PGBD5: variants seen among roughly 807,000 people sequenced by gnomAD.
PGBD5 encodes the protein piggyBac transposable element-derived protein 5.
Under a neutral mutation model 47.9 loss-of-function variants are expected in PGBD5, and 14 were observed. The observed-to-expected ratio is 0.29, with a 90% CI of 0.19 to 0.46. The LOEUF is 0.46. Among genes scored for constraint, PGBD5 ranks in the 20% least tolerant of loss-of-function variants. The probability of loss-of-function intolerance (pLI) is 1.00; values close to 1 mark genes in which losing one functional copy is unlikely to be tolerated. For missense variants in PGBD5, 635 were observed against 716.0 expected (o/e 0.89, Z 1.29); for synonymous variants, 316 against 306.3 (o/e 1.03, Z -0.33).
intron 1 of PGBD5, among the ~76,000 whole-genome samples, chr1:230,411,908 T>A (rs957879870): frequency 4.6e-5 from 7 of 152,116 alleles, no homozygotes; most frequent in African/African-American, 1.7e-4. Context: ...TAAAAGTTTT[T>A]AAAAATGAAG....
chr1:230,404,627 A>ATATATAT (rs1453429430), intron 1 of PGBD5, among the ~76,000 whole-genome samples: 11 of 130,356 alleles, frequency 8.4e-5, no homozygotes, highest in East Asian at 2.5e-4. Flanking sequence ...AAAAAAAAAA[A>ATATATAT]AAATATATAT....
chr1:230,379,783 C>A (rs1328582068), intron 1 of PGBD5, among the ~76,000 whole-genome samples: 1 of 152,276 alleles, frequency 6.6e-6, no homozygotes, highest in Non-Finnish European at 1.5e-5. Flanking sequence ...ACCATGTCCT[C>A]TACAGTGCGA....
chr1:230,351,021 C>T lies in PGBD5; in HGVS notation c.831G>A (p.Lys277=), dbSNP rs1276777273. The change falls in exon 3 of 7, where the codon AAG becomes AAA. Residue 277 remains lysine, a synonymous_variant. Transcript: ENST00000391860. ...IATCTERELR[K]RKKRKFSLWV... is the part of the protein sequence containing the mutation. ...AGAGGCTGAATTTCCGCTTTTTCCT[C>T]TTTCGCAGCTCCCGCTCTGTGCACG... 6.2e-7 allele frequency: 1 copy of T among 1,614,042 alleles called. No homozygotes were observed. Among genetic ancestry groups the T allele is most frequent in the Non-Finnish European group, 8.5e-7 (1 of 1,180,024 alleles).
At chr1:230,376,329 G>T (rs909758057) in intron 1 of PGBD5, among the ~76,000 whole-genome samples, 1 of 152,064 alleles carries the variant, frequency 6.6e-6, no homozygotes, top group Non-Finnish European at 1.5e-5. Context: ...GACTGAGCCC[G>T]CCTGACCTGC....
rs35048134 is a variant in PGBD5, at chr1:230,323,687, GC to G, written c.1380-68del. ...TGGCACCCGGAGATGCATCCCAAAG[GC>G]CCCCCCTCACCACAGCCCGTGAGAC... On this transcript the variant is annotated intron_variant, in intron 6 of 6. Transcript: ENST00000391860. The surrounding 1 kb of genome is among the most constrained non-coding windows in gnomAD (Gnocchi z 4.1). The G allele has an allele frequency of 0.55, 790,837 of 1,440,768 alleles. 222,133 individuals carry two copies. Among genetic ancestry groups the G allele is most frequent in the Non-Finnish European group, 0.57 (595,149 of 1,047,640 alleles). 89.2% of individuals were successfully genotyped at this position (1,440,768 alleles called of 1,614,324 possible). A position where few individuals can be genotyped will look rare whatever the true frequency, so the allele number is the denominator to read the frequency against.
At position 230,357,330 on chromosome 1, in the gene PGBD5, CAA is replaced by C. The variant is rs1425834970; in HGVS notation, c.332-11_332-10del. The C allele has an allele frequency of 1.2e-6, 2 of 1,611,310 alleles. No homozygotes were observed. Among genetic ancestry groups the C allele is most frequent in the Non-Finnish European group, 1.7e-6 (2 of 1,178,280 alleles). ...CATCTTTCGGGTGGGACCTGAAACC[CAA>C]AGACAGGTGGAGTGTTCCTTAGGAC... On this transcript the variant is annotated splice_polypyrimidine_tract_variant and intron_variant, in intron 1 of 6. Coordinates refer to ENST00000391860, the MANE Select transcript of PGBD5 (RefSeq NM_001258311.2). The surrounding 1 kb of genome is among the most constrained non-coding windows in gnomAD (Gnocchi z 5.7).
At position 230,425,242 on chromosome 1, in the gene PGBD5, GC is replaced by G. The variant is rs1657747694; in HGVS notation, c.331+355del. Reference sequence around the variant, plus strand: ...CCAGCCACGCCGGGCTTTCAGAAAAGCCCCCTCAACTAGGAAAGCCTAACTT... The same window carrying G: ...CCAGCCACGCCGGGCTTTCAGAAAAGCCCCTCAACTAGGAAAGCCTAACTT... On this transcript the variant is annotated intron_variant, in intron 1 of 6. Coordinates refer to ENST00000391860, the MANE Select transcript of PGBD5 (RefSeq NM_001258311.2). This position sits in a 1 kb window ranked among gnomAD's most constrained non-coding sequence, Gnocchi z 4.7. Among the ~76,000 whole-genome samples, 1 of 152,152 alleles carries G rather than the reference GC, an allele frequency of 6.6e-6. No homozygotes were observed. Among genetic ancestry groups the G allele is most frequent in the East Asian group, 1.9e-4 (1 of 5,174 alleles).
chr1:230,361,762 G>C (rs1365490059), intron 1 of PGBD5, among the ~76,000 whole-genome samples: 1 of 152,218 alleles, frequency 6.6e-6, no homozygotes, highest in African/African-American at 2.4e-5. Context: ...CCCAGGAGCT[G>C]ACTGGGAGTA....
chr1:230,352,896 G>C (rs1039784658), intron 2 of PGBD5, among the ~76,000 whole-genome samples: 4 of 152,164 alleles, frequency 2.6e-5, no homozygotes, highest in African/African-American at 9.7e-5. Context: ...CCGAAGACGT[G>C]CATCCTACTC....
At chr1:230,375,979 T>C (rs1320132768) in intron 1 of PGBD5, among the ~76,000 whole-genome samples, 1 of 151,372 alleles carries the variant, frequency 6.6e-6, no homozygotes. Flanking sequence ...GCTGTAAGGA[T>C]TGAGTGAGCG....
intron 1 of PGBD5, among the ~76,000 whole-genome samples, chr1:230,406,332 AAAG>A (rs1657296792): frequency 6.6e-6 from 1 of 151,530 alleles, no homozygotes; most frequent in South Asian, 2.1e-4. Context: ...AAAAAAAAAA[AAAG>A]AAATTCTGTT....
At chr1:230,410,639 C>T (rs555092372) in intron 1 of PGBD5, among the ~76,000 whole-genome samples, 1 of 152,106 alleles carries the variant, frequency 6.6e-6, no homozygotes, top group African/African-American at 2.4e-5. Context: ...AAAGAGAACA[C>T]TTCATATCAA....
At chr1:230,424,640 C>CCA (rs1351267485) in intron 1 of PGBD5, among the ~76,000 whole-genome samples, 1 of 152,238 alleles carries the variant, frequency 6.6e-6, no homozygotes, top group African/African-American at 2.4e-5. Context: ...CCCACCGCGG[C>CCA]CACTCCCTGG....
chr1:230,417,581 T>C (rs1657546838), intron 1 of PGBD5, among the ~76,000 whole-genome samples: 1 of 152,232 alleles, frequency 6.6e-6, no homozygotes, highest in Admixed American at 6.5e-5. Context: ...CAAATGGCTC[T>C]CTTGTTTGAG....
At position 230,357,921 on chromosome 1, in the gene PGBD5, A is replaced by T. The variant is rs983868150; in HGVS notation, c.332-600T>A. Among the ~76,000 whole-genome samples, 5 of 152,160 alleles carry T rather than the reference A, an allele frequency of 3.3e-5. No individual in the cohort carries two copies. The highest frequency in any genetic ancestry group is 1.2e-4 in the African/African-American group (5 of 41,434). On this transcript the variant is annotated intron_variant, in intron 1 of 6. Transcript: ENST00000391860. The surrounding 1 kb of genome is among the most constrained non-coding windows in gnomAD (Gnocchi z 5.7). ...GGGTACTTCTCCGTACAAGGAAGAA[A>T]GCATGCATATACATACATATATATA...
intron 3 of PGBD5, among the ~76,000 whole-genome samples, chr1:230,338,491 C>T (rs2102819601): frequency 6.6e-6 from 1 of 152,340 alleles, no homozygotes; most frequent in Non-Finnish European, 1.5e-5. Context: ...CACATGACCT[C>T]TTCCATTGTG....
chr1:230,350,807 C>T lies in PGBD5; in HGVS notation c.894+151G>A. ...CTCGGTGAGGAGGGAGCAGCCCAGC[C>T]CTGGCCTCCGCAGGAGCATCTGGGT... On this transcript the variant is annotated intron_variant, in intron 3 of 6. Coordinates refer to ENST00000391860, the MANE Select transcript of PGBD5 (RefSeq NM_001258311.2). The T allele has an allele frequency of 3.5e-6, 4 of 1,156,240 alleles. No homozygotes were observed. In the East Asian group the frequency reaches 7.8e-5, roughly 23 times the overall value. 71.6% of individuals were successfully genotyped at this position (1,156,240 alleles called of 1,614,324 possible).
intron 1 of PGBD5, among the ~76,000 whole-genome samples, chr1:230,380,524 C>T (rs1410638768): frequency 3.9e-5 from 6 of 152,204 alleles, no homozygotes; most frequent in South Asian, 2.1e-4. Flanking sequence ...CCTCCTTCCC[C>T]TCCCGGCTCT....
In PGBD5 at chr1:230,357,454, C is replaced by T. The variant is rs1185388548; in HGVS notation, c.332-133G>A. ...GCTGCCTCCAGTGCTACCGCCTTCC[C>T]CTCCAACCTTCCAGAAGCTGCTGCA... is the stretch of plus-strand genomic sequence containing the variant. On this transcript the variant is annotated intron_variant, in intron 1 of 6. Transcript: ENST00000391860. This position sits in a 1 kb window ranked among gnomAD's most constrained non-coding sequence, Gnocchi z 5.7. 1 of 954,192 alleles carries T rather than the reference C, an allele frequency of 1.0e-6. No individual in the cohort carries two copies. The highest frequency in any genetic ancestry group is 1.5e-6 in the Non-Finnish European group (1 of 652,006). 59.1% of individuals were successfully genotyped at this position (954,192 alleles called of 1,614,324 possible). A position where few individuals can be genotyped will look rare whatever the true frequency, so the allele number is the denominator to read the frequency against.
Sources: allele counts gnomAD v4.1 joint callset (sites outside exome capture counted in the v4.1 genomes callset), GRCh38; gene constraint gnomAD v4.1.1; non-coding constraint Gnocchi (gnomAD v3.1); transcripts MANE v1.5; gene names NCBI Gene and HGNC (gene_info 2026-07-23, HGNC 2026-07-21).